UEVLD: variants seen among roughly 807,000 people sequenced by gnomAD.
UEVLD encodes UEV and lactate/malate dehyrogenase domains.
A neutral mutation model predicts 58.6 loss-of-function variants in UEVLD; 47 were observed. The observed-to-expected ratio is 0.80, with a 90% CI of 0.63 to 1.02. The LOEUF (loss-of-function observed/expected upper bound fraction) is 1.02. Ranked by LOEUF, UEVLD falls within the 50% of genes least tolerant of loss-of-function variation. UEVLD has a pLI of 0.00. For missense variants in UEVLD, 510 were observed against 550.6 expected (o/e 0.93, Z 0.74); for synonymous variants, 197 against 195.3 (o/e 1.01, Z -0.07).
intron 6 of UEVLD, among the ~76,000 whole-genome samples, chr11:18,561,035 T>G (rs887449031): frequency 5.9e-5 from 9 of 151,872 alleles, no homozygotes; most frequent in African/African-American, 2.2e-4. Flanking sequence ...TGATTTTGTT[T>G]CAGTAGGTCT....
chr11:18,544,979 CACAT>C (rs1290282774), intron 8 of UEVLD, among the ~76,000 whole-genome samples, 183 bp from the exon 9 acceptor site: 15 of 139,140 alleles, frequency 1.1e-4, no homozygotes, highest in East Asian at 8.5e-4. Context: ...ATATAATACA[CACAT>C]ACATACACAC....
chr11:18,543,959 A>G (rs946196861), intron 9 of UEVLD, among the ~76,000 whole-genome samples: 5 of 152,210 alleles, frequency 3.3e-5, no homozygotes, highest in African/African-American at 1.2e-4. Flanking sequence ...TGAACTTGGG[A>G]AAGGTAAGCA....
At chr11:18,548,802 T>C (rs745640494) in intron 7 of UEVLD, among the ~76,000 whole-genome samples, 4 of 152,228 alleles carry the variant, frequency 2.6e-5, no homozygotes, top group Non-Finnish European at 5.9e-5. Context: ...TATCTAATTT[T>C]ACTTCCTATT....
chr11:18,537,966 C>T (rs748931038), intron 9 of UEVLD, among the ~76,000 whole-genome samples: 22 of 152,154 alleles, frequency 1.4e-4, no homozygotes, highest in South Asian at 4.1e-4. Context: ...CCGAACTGCA[C>T]TTTAATATTA....
chr11:18,534,122 T>G (rs1438052125), intron 11 of UEVLD, among the ~76,000 whole-genome samples: 1 of 152,188 alleles, frequency 6.6e-6, no homozygotes, highest in Non-Finnish European at 1.5e-5. Flanking sequence ...TTTTGTAAAG[T>G]TGGGGTCTCA....
At chr11:18,536,378 A>G in intron 10 of UEVLD, 28 bp downstream of exon 10, 1 of 1,607,578 alleles carries the variant, frequency 6.2e-7, no homozygotes, top group Non-Finnish European at 8.5e-7. Flanking sequence ...TTTTCGTTGG[A>G]TAAATGCAAA....
intron 6 of UEVLD, among the ~76,000 whole-genome samples, chr11:18,560,213 T>C (rs879756774): frequency 2.6e-5 from 4 of 151,856 alleles, no homozygotes; most frequent in Non-Finnish European, 5.9e-5. Context: ...GAATTCGGCC[T>C]TACTTTATGA....
chr11:18,573,607 T>G (rs1245986809), intron 3 of UEVLD, among the ~76,000 whole-genome samples: 1 of 152,250 alleles, frequency 6.6e-6, no homozygotes, highest in African/African-American at 2.4e-5. Flanking sequence ...CATGGCTAGC[T>G]GCATTCATCT....
rs1053655893 is a variant in UEVLD at position 18,588,714 on chromosome 11, T to G, written c.-60A>C. On this transcript the variant is annotated 5_prime_UTR_variant, in exon 1 of 12. Transcript: ENST00000396197. ...CAGCCCCCGGACCTTCTTCCGGACT[T>G]GCTGCAGGACGGAAGCCGCTGAGGA... The G allele has an allele frequency of 6.3e-7, 1 of 1,576,026 alleles. No homozygotes were observed. Among genetic ancestry groups the G allele is most frequent in the African/African-American group, 1.3e-5 (1 of 74,414 alleles).
At chr11:18,534,678 A>C (rs531860170) in intron 10 of UEVLD, among the ~76,000 whole-genome samples, 1 of 152,382 alleles carries the variant, frequency 6.6e-6, no homozygotes, top group Non-Finnish European at 1.5e-5. Flanking sequence ...AACATAAAAA[A>C]TGTTCACTGC....
At chr11:18,532,607 A>G in intron 11 of UEVLD, 120 bp from the exon 12 acceptor site, 1 of 781,890 alleles carries the variant, frequency 1.3e-6, no homozygotes, top group Non-Finnish European at 1.8e-6. Context: ...ACTTAAAAAA[A>G]TTTTTTTGTT....
At chr11:18,583,106 T>A (rs886147798) in intron 1 of UEVLD, among the ~76,000 whole-genome samples, 1 of 151,858 alleles carries the variant, frequency 6.6e-6, no homozygotes, top group Non-Finnish European at 1.5e-5. Flanking sequence ...GTATCTTTAG[T>A]AGAAACAGGG....
intron 3 of UEVLD, among the ~76,000 whole-genome samples, chr11:18,572,223 G>A (rs556954969): frequency 5.3e-5 from 8 of 151,796 alleles, no homozygotes; most frequent in Non-Finnish European, 1.2e-4. Flanking sequence ...GCGACAGTGC[G>A]AGACTCCGTC....
chr11:18,565,252 T>C lies in UEVLD; in HGVS notation c.494-242A>G, dbSNP rs77141963. 6.8e-4 allele frequency among the ~76,000 whole-genome samples: 103 copies of C among 152,288 alleles called. No individual in the cohort carries two copies. In the East Asian group the frequency reaches 0.015, roughly 23 times the overall value. The stretch of plus-strand genomic sequence containing the variant: ...TATCTTTCTAAACATTTTTAAAATA[T>C]TGTATAAGACTCTAAAAAAGTAGGA... On this transcript the variant is annotated intron_variant, in intron 5 of 11. Coordinates refer to ENST00000396197, the MANE Select transcript of UEVLD (RefSeq NM_001040697.4).
chr11:18,575,247 G>C (rs1208457816), intron 3 of UEVLD, 100 bp downstream of exon 3: 3 of 1,288,308 alleles, frequency 2.3e-6, no homozygotes, highest in Non-Finnish European at 2.2e-6. Flanking sequence ...TCATATATCT[G>C]CAATAATACT....
intron 9 of UEVLD, chr11:18,536,895 C>CTTTT (rs370747121): frequency 0.033 from 4,645 of 139,782 alleles, 198 homozygotes; most frequent in East Asian, 0.16. Context: ...AATCCTGTTC[C>CTTTT]TTTTTTTTTT....
chr11:18,584,353 A>T (rs1790589969), intron 1 of UEVLD, among the ~76,000 whole-genome samples: 1 of 152,192 alleles, frequency 6.6e-6, no homozygotes, highest in African/African-American at 2.4e-5. Context: ...ACTGCACTCC[A>T]GCCTGGGAGA....
chr11:18,557,482 T>C (rs950957312), intron 7 of UEVLD, among the ~76,000 whole-genome samples: 5 of 152,196 alleles, frequency 3.3e-5, no homozygotes, highest in African/African-American at 1.2e-4. Context: ...AGAAAATCTT[T>C]TTATTATTAA....
In UEVLD at chr11:18,578,772, TC is replaced by T. The variant is rs764224179; in HGVS notation, c.78del (p.Asn27MetfsTer2). On this transcript the variant is annotated frameshift_variant, in exon 2 of 12. Transcript: ENST00000396197. LOFTEE classifies it high-confidence loss of function. ...KFRDLTVEEL[R>X]NVNVFFPHFK... ...AAATGTGGGAAAAATACATTTACAT[TC>T]CTTAGTTCTTCCACAGTTAGGTCCC... is the stretch of plus-strand genomic sequence containing the variant. The T allele has an allele frequency of 6.2e-7, 1 of 1,609,234 alleles. No individual in the cohort carries two copies. The highest frequency in any genetic ancestry group is 8.5e-7 in the Non-Finnish European group (1 of 1,177,668).
Sources: gnomAD v4.1 joint callset for allele counts (sites outside exome capture counted in the v4.1 genomes callset) on GRCh38, gnomAD v4.1.1 for gene constraint, MANE v1.5 for transcripts, NCBI Gene and HGNC (gene_info 2026-07-23, HGNC 2026-07-21) for gene names.